USP9Y: variants seen among roughly 807,000 people sequenced by gnomAD.
The protein encoded by USP9Y is ubiquitin carboxyl-terminal hydrolase 9Y.
In USP9Y, 41 loss-of-function variants were observed where a neutral mutation model predicts 53.1. The observed-to-expected ratio is 0.77, with a 90% CI of 0.60 to 1.00. USP9Y has a LOEUF of 1.00. Among genes scored for constraint, USP9Y ranks in the 50% least tolerant of loss-of-function variants. The pLI, the probability that USP9Y is intolerant of heterozygous loss-of-function variation, is 0.00. For missense variants in USP9Y, 567 were observed against 535.8 expected, an observed-to-expected ratio of 1.06 and a Z score of -0.58; for synonymous variants, 220 against 173.7, an observed-to-expected ratio of 1.27 and a Z score of -2.09.
chrY:12,860,270 C>T lies in USP9Y; in HGVS notation c.*854C>T, dbSNP rs1027343690. On this transcript the variant is annotated 3_prime_UTR_variant, in exon 46 of 46. Transcript: ENST00000338981. The stretch of plus-strand genomic sequence containing the variant: ...GAAGAATATCAAAGTATCGATAATA[C>T]GAATTTTAAAATATTAAAACCAATA... The T allele has an allele frequency of 3.0e-5, 1 of 33,258 alleles. No homozygotes were observed. Among genetic ancestry groups the T allele is most frequent in the African/African-American group, 1.2e-4 (1 of 8,571 alleles). 8.3% of individuals were successfully genotyped at this position (33,258 alleles called of 400,897 possible). A position where few individuals can be genotyped will look rare whatever the true frequency, so the allele number is the denominator to read the frequency against.
chrY:12,784,361 G>A, intron 22 of USP9Y, among the ~76,000 whole-genome samples: 1 of 33,056 alleles, frequency 3.0e-5, no homozygotes, highest in South Asian at 6.7e-4. Flanking sequence ...TCAAGCTAAT[G>A]GTTTCTTTCT....
At chrY:12,793,420 CT>C (rs2053510518) in intron 27 of USP9Y, among the ~76,000 whole-genome samples, 2 of 32,811 alleles carry the variant, frequency 6.1e-5, no homozygotes, top group African/African-American at 1.2e-4. Flanking sequence ...TTTTCTTTTA[CT>C]TTTTTTTATT....
chrY:12,746,984 C>T (rs2053461231), intron 12 of USP9Y, among the ~76,000 whole-genome samples: 1 of 33,267 alleles, frequency 3.0e-5, no homozygotes, highest in Admixed American at 2.7e-4. Context: ...CCGCCTGCCT[C>T]AGCCTACCAA....
At chrY:12,761,947 G>A in intron 15 of USP9Y, among the ~76,000 whole-genome samples, 1 of 33,008 alleles carries the variant, frequency 3.0e-5, no homozygotes, top group Admixed American at 2.8e-4. Flanking sequence ...ATTGGCTTCT[G>A]TTCCTCTCAC....
At position 12,857,546 on chromosome Y, in the gene USP9Y, C is replaced by T; in HGVS notation, c.7435-20C>T. 1 of 358,422 alleles carries T rather than the reference C, an allele frequency of 2.8e-6. No individual in the cohort carries two copies. Among genetic ancestry groups the T allele is most frequent in the Non-Finnish European group, 3.9e-6 (1 of 253,347 alleles). The allele number at this position is 358,422 out of a possible 400,897, so 89.4% of individuals were successfully genotyped here. A position where few individuals can be genotyped will look rare whatever the true frequency, so the allele number is the denominator to read the frequency against. ...ACTTTTATAATCTAATGCTTAATCT[C>T]TTTAAATATTTAAAATTAGGAGCCA... On this transcript the variant is annotated intron_variant, in intron 44 of 45. Coordinates refer to ENST00000338981, the MANE Select transcript of USP9Y (RefSeq NM_004654.4).
At chrY:12,773,998 C>G in intron 17 of USP9Y, 73 bp downstream of exon 17, 3 of 237,746 alleles carry the variant, frequency 1.3e-5, no homozygotes, top group Non-Finnish European at 2.0e-5. Flanking sequence ...ATTCAAGAGT[C>G]ATAATTTTGC....
Position 12,722,153 on chromosome Y carries a change from G to A in USP9Y, c.291G>A (p.Val97=), listed in dbSNP as rs769114689. Residue 97 remains valine (V), a synonymous_variant, in exon 5 of 46, where the codon GTG becomes GTA. Transcript: ENST00000338981. ...TTTTGCCAAAAGGGGAATTAGAAGT[G>A]CTTTTAGAAGCTGCTATTGATCTTA... is the stretch of plus-strand genomic sequence containing the variant. ...VPVLPKGELE[V]LLEAAIDLSV... 2.5e-6 allele frequency: 1 copy of A among 394,130 alleles called. No homozygotes were observed. Among genetic ancestry groups the A allele is most frequent in the East Asian group, 9.4e-5 (1 of 10,691 alleles).
At chrY:12,855,076 C>G in intron 42 of USP9Y, among the ~76,000 whole-genome samples, 1 of 33,067 alleles carries the variant, frequency 3.0e-5, no homozygotes. Context: ...GTTGCCCTTT[C>G]CAAACAAAAG....
At chrY:12,706,509 T>G in intron 1 of USP9Y, among the ~76,000 whole-genome samples, 1 of 32,980 alleles carries the variant, frequency 3.0e-5, no homozygotes, top group Non-Finnish European at 7.4e-5. Context: ...GGGGCATATA[T>G]GTGGGATCAG....
intron 12 of USP9Y, among the ~76,000 whole-genome samples, chrY:12,747,679 C>G (rs2053461548): frequency 2.9e-5 from 1 of 34,419 alleles, no homozygotes; most frequent in South Asian, 6.4e-4. Context: ...TGTTCACAGT[C>G]ATATTCGGGT....
At chrY:12,775,777 G>GTAAT (rs2053491970) in intron 18 of USP9Y, among the ~76,000 whole-genome samples, 1 of 33,335 alleles carries the variant, frequency 3.0e-5, no homozygotes, top group Non-Finnish European at 7.4e-5. Context: ...AATTTTAAAT[G>GTAAT]TAATTATTCA....
intron 42 of USP9Y, among the ~76,000 whole-genome samples, chrY:12,855,919 A>C: frequency 3.1e-5 from 1 of 31,792 alleles, no homozygotes; most frequent in Non-Finnish European, 7.6e-5. Flanking sequence ...ATGCCACTGC[A>C]GTCCAGCCTG....
chrY:12,857,622 C>A lies in USP9Y; in HGVS notation c.7491C>A (p.Ala2497=). 2 of 385,814 alleles carry A rather than the reference C, an allele frequency of 5.2e-6. No individual in the cohort carries two copies. The highest frequency in any genetic ancestry group is 7.2e-6 in the Non-Finnish European group (2 of 276,318). Reference sequence around the variant, plus strand: ...ATGAGCCCTCTCCATCAGAAGATGCCCCATTATATCCTCATTCACCTGCCT... The same window carrying A: ...ATGAGCCCTCTCCATCAGAAGATGCACCATTATATCCTCATTCACCTGCCT... The part of the protein sequence containing the change: ...DEHEPSPSED[A]PLYPHSPASQ... The change falls in exon 45 of 46, where the codon GCC becomes GCA. Residue 2497 remains alanine (A), a synonymous_variant. Coordinates refer to ENST00000338981, the MANE Select transcript of USP9Y (RefSeq NM_004654.4).
At chrY:12,723,640 G>C in intron 5 of USP9Y, among the ~76,000 whole-genome samples, 1 of 32,072 alleles carries the variant, frequency 3.1e-5, no homozygotes, top group East Asian at 8.0e-4. Flanking sequence ...CGCCCACCTC[G>C]GCCTCCCAAA....
Position 12,841,062 on chromosome Y carries a change from G to T in USP9Y, c.6141G>T (p.Gln2047His). The change falls in exon 37 of 46, where the codon CAG (glutamine) becomes CAT (histidine). Residue 2047 changes from glutamine to histidine, a missense_variant. Coordinates refer to ENST00000338981, the MANE Select transcript of USP9Y (RefSeq NM_004654.4). The stretch of plus-strand genomic sequence containing the variant: ...AAGAAATTACTATGATTAGTATTCA[G>T]CTTGCTGCTAGATTCCTCTTTACCA... The part of the protein sequence containing the change: ...EAEEITMISI[Q>H]LAARFLFTTG... The T allele has an allele frequency of 1.5e-5, 6 of 395,680 alleles. No homozygotes were observed. Among genetic ancestry groups the T allele is most frequent in the Non-Finnish European group, 2.1e-5 (6 of 281,033 alleles).
chrY:12,769,314 G>A (rs781640537), intron 15 of USP9Y, among the ~76,000 whole-genome samples: 42 of 33,853 alleles, frequency 1.2e-3, no homozygotes, highest in African/African-American at 4.2e-3. Flanking sequence ...AAAGCCACGA[G>A]TCAAAATATG....
Position 12,833,824 on chromosome Y carries a change from T to G in USP9Y, c.5158T>G (p.Phe1720Val). ...ACTAAGTAAAGTCCTAGGAGGCTCC[T>G]TTGCTGATCAGAAGATCTGCCAAGG... is the stretch of plus-strand genomic sequence containing the variant. ...AILSKVLGGS[F>V]ADQKICQGCP... Residue 1720 changes from phenylalanine to valine, a missense_variant, in exon 34 of 46, where the codon TTT (phenylalanine) becomes GTT (valine). Physicochemically the swap from Phe to Val is conservative, Grantham distance 50. Transcript: ENST00000338981. 2.5e-6 allele frequency: 1 copy of G among 398,124 alleles called. No individual in the cohort carries two copies. The highest frequency in any genetic ancestry group is 6.2e-5 in the African/African-American group (1 of 16,252).
rs761889089 is a variant in USP9Y at position 12,771,109 on chromosome Y, C to T, written c.1942C>T (p.Arg648Ter). 1 of 396,791 alleles carries T rather than the reference C, an allele frequency of 2.5e-6. No homozygotes were observed. Among genetic ancestry groups the T allele is most frequent in the Non-Finnish European group, 3.5e-6 (1 of 282,215 alleles). ...TCCACAAACAGTGAGGCTTGGAAGT[C>T]GATACAGTCATGTTCAAGAAGTTCA... Reference protein sequence around the residue: ...YDPQTVRLGSRYSHVQEVQER... With the variant: ...YDPQTVRLGS The change falls in exon 16 of 46, where the codon CGA becomes TGA. Residue 648 changes from arginine (R) to a stop codon, truncating the protein, a stop_gained. Transcript: ENST00000338981. LOFTEE classifies it high-confidence loss of function.
At chrY:12,814,081 G>A (rs2053533723) in intron 31 of USP9Y, among the ~76,000 whole-genome samples, 2 of 33,639 alleles carry the variant, frequency 5.9e-5, no homozygotes, top group Non-Finnish European at 1.5e-4. Context: ...CTCCCAAAGC[G>A]CTGAGATTAC....
Sources: allele counts gnomAD v4.1 joint callset (sites outside exome capture counted in the v4.1 genomes callset), GRCh38; gene constraint gnomAD v4.1.1; transcripts MANE v1.5; gene names NCBI Gene and HGNC (gene_info 2026-07-23, HGNC 2026-07-21).